The following PDE1C variants were observed in gnomAD, a reference collection of about 807,000 sequenced individuals.
The protein encoded by PDE1C is dual specificity calcium/calmodulin-dependent 3',5'-cyclic nucleotide phosphodiesterase 1C.
A neutral mutation model predicts 93.1 loss-of-function variants in PDE1C; 62 were observed. The ratio of observed to expected loss-of-function variants is 0.67; its 90% CI spans 0.54 to 0.82. The LOEUF (loss-of-function observed/expected upper bound fraction) is 0.82. PDE1C is among the 40% of genes least tolerant of loss of function. The probability of loss-of-function intolerance (pLI) is 0.00; values close to 1 mark genes in which losing one functional copy is unlikely to be tolerated. For missense variants in PDE1C, 742 were observed against 884.6 expected (o/e 0.84, Z 2.04); for synonymous variants, 325 against 310.1 (o/e 1.05, Z -0.50).
the PDE1C span, among the ~76,000 whole-genome samples, chr7:31,740,343 ATATGT>A: frequency 3.3e-5 from 5 of 152,342 alleles, no homozygotes; most frequent in African/African-American, 4.8e-5. Flanking sequence ...ACTAACATAC[ATATGT>A]TATGTATACA....
At chr7:31,672,168 A>G in the PDE1C span, among the ~76,000 whole-genome samples, 3 of 152,176 alleles carry the variant, frequency 2.0e-5, no homozygotes, top group Non-Finnish European at 4.4e-5. Flanking sequence ...CTGGAGCAAA[A>G]AGTCTCAGAC....
intron 3 of PDE1C, among the ~76,000 whole-genome samples, chr7:32,131,216 C>T (rs1397966507): frequency 6.6e-6 from 1 of 152,108 alleles, no homozygotes; most frequent in Non-Finnish European, 1.5e-5. Flanking sequence ...AGTGAGAGCC[C>T]CTGTCACACA....
At chr7:31,733,953 G>C in the PDE1C span, among the ~76,000 whole-genome samples, 1 of 152,106 alleles carries the variant, frequency 6.6e-6, no homozygotes, top group Non-Finnish European at 1.5e-5. Flanking sequence ...GCAGTGAGCC[G>C]AGATCATGCC....
At chr7:31,799,109 T>A (rs1479601052) in intron 16 of PDE1C, among the ~76,000 whole-genome samples, 1 of 151,664 alleles carries the variant, frequency 6.6e-6, no homozygotes. Flanking sequence ...AACCAGTGAA[T>A]GCACACCTGC....
chr7:32,079,902 G>C (rs1796562788), intron 3 of PDE1C, among the ~76,000 whole-genome samples: 1 of 152,196 alleles, frequency 6.6e-6, no homozygotes. Flanking sequence ...GGTGTGGGGA[G>C]GGAGTGATAC....
chr7:31,625,421 A>G, the PDE1C span, among the ~76,000 whole-genome samples: 1 of 152,130 alleles, frequency 6.6e-6, no homozygotes, highest in Non-Finnish European at 1.5e-5. Context: ...GCACATATAC[A>G]CCATGGAATA....
chr7:31,840,579 G>A (rs1791728543), intron 9 of PDE1C, among the ~76,000 whole-genome samples: 1 of 151,960 alleles, frequency 6.6e-6, no homozygotes. Flanking sequence ...TGCCATTTTA[G>A]CTTTTACGTT....
chr7:32,115,920 T>A (rs905223381), intron 3 of PDE1C, among the ~76,000 whole-genome samples: 12 of 152,030 alleles, frequency 7.9e-5, no homozygotes, highest in Admixed American at 5.2e-4. Context: ...TTGTCAGCAA[T>A]CCATCACACA....
At chr7:31,700,226 A>G in the PDE1C span, among the ~76,000 whole-genome samples, 1 of 152,222 alleles carries the variant, frequency 6.6e-6, no homozygotes. Flanking sequence ...AAGGAAATTA[A>G]AAGTTCTACT....
rs530511946 is a variant in PDE1C, at chr7:31,810,328, T to A, written c.1814-1220A>T. Among the ~76,000 whole-genome samples the A allele has an allele frequency of 3.3e-5, 5 of 152,186 alleles. No homozygotes were observed. The East Asian group carries it at 9.7e-4, about 30-fold the overall frequency. ...ACTGGTACTTATTGAAGCCAAAAGA[T>A]CCCAATAATAATTGGAGTGAGCTGG... On this transcript the variant is annotated intron_variant, in intron 15 of 17. Coordinates refer to ENST00000396191, the MANE Select transcript of PDE1C (RefSeq NM_001191057.4).
the PDE1C span, chr7:31,643,787 G>C: frequency 1.2e-6 from 2 of 1,613,960 alleles, no homozygotes; most frequent in South Asian, 1.1e-5. Context: ...GCCCACTGCT[G>C]CATCTGCTGT....
the PDE1C span, among the ~76,000 whole-genome samples, chr7:31,621,568 T>G: frequency 1.4e-5 from 2 of 147,934 alleles, no homozygotes; most frequent in Non-Finnish European, 3.0e-5. Flanking sequence ...AGAGATTTTG[T>G]CACCACCAGG....
intron 1 of PDE1C, among the ~76,000 whole-genome samples, chr7:32,263,256 A>T (rs1033921421): frequency 6.6e-6 from 1 of 152,132 alleles, no homozygotes; most frequent in African/African-American, 2.4e-5. Context: ...ATCCATATAC[A>T]CTTTACGCAG....
intron 1 of PDE1C, among the ~76,000 whole-genome samples, chr7:32,274,257 G>C (rs778331090): frequency 2.7e-5 from 4 of 149,246 alleles, no homozygotes; most frequent in Non-Finnish European, 5.9e-5. Context: ...AGCTAAGCTA[G>C]AGTGCAGTGG....
chr7:32,324,115 T>G (rs749633405), intron 1 of PDE1C, among the ~76,000 whole-genome samples: 1 of 152,244 alleles, frequency 6.6e-6, no homozygotes, highest in Non-Finnish European at 1.5e-5. Flanking sequence ...GTACATTATG[T>G]AAAATTCAAA....
At chr7:32,370,766 C>A (rs974313067) in intron 1 of PDE1C, among the ~76,000 whole-genome samples, 1 of 145,838 alleles carries the variant, frequency 6.9e-6, no homozygotes, top group Non-Finnish European at 1.5e-5. Flanking sequence ...TGCACATGTA[C>A]CCTAGAACTT....
intron 2 of PDE1C, among the ~76,000 whole-genome samples, chr7:31,930,335 G>T (rs1161160629): frequency 6.6e-6 from 1 of 152,302 alleles, no homozygotes; most frequent in Non-Finnish European, 1.5e-5. Context: ...GAGGTACAAA[G>T]AGGAGCTGGT....
intron 3 of PDE1C, among the ~76,000 whole-genome samples, chr7:32,105,091 A>G (rs1798230825): frequency 6.6e-6 from 1 of 152,216 alleles, no homozygotes; most frequent in Admixed American, 6.5e-5. Flanking sequence ...GCATGCTCAA[A>G]AATTCCATGG....
intron 2 of PDE1C, among the ~76,000 whole-genome samples, chr7:31,955,214 C>A (rs1807962623): frequency 6.6e-6 from 1 of 152,128 alleles, no homozygotes; most frequent in African/African-American, 2.4e-5. Flanking sequence ...CCTCCCTGCC[C>A]CCGCTTGGAT....
Sources: gnomAD v4.1 joint callset for allele counts (sites outside exome capture counted in the v4.1 genomes callset) on GRCh38, gnomAD v4.1.1 for gene constraint, MANE v1.5 for transcripts, NCBI Gene and HGNC (gene_info 2026-07-23, HGNC 2026-07-21) for gene names.